The following KLF12 variants were observed in gnomAD, a reference collection of about 807,000 sequenced individuals.
KLF12 encodes the protein KLF transcription factor 12, also known as Krueppel-like factor 12.
KLF12 carries 9 observed loss-of-function variants against 37.8 expected under a neutral mutation model. The ratio of observed to expected loss-of-function variants is 0.24; its 90% CI spans 0.14 to 0.42. The LOEUF (loss-of-function observed/expected upper bound fraction) is 0.42, where lower values mean the gene tolerates loss of function less well. KLF12 is among the 10% of genes least tolerant of loss of function. The pLI is 1.00. For missense variants in KLF12, 411 were observed against 516.0 expected (o/e 0.80, Z 1.97); for synonymous variants, 208 against 202.1 (o/e 1.03, Z -0.25).
chr13:74,242,628 C>G, the KLF12 span, among the ~76,000 whole-genome samples: 2 of 152,146 alleles, frequency 1.3e-5, no homozygotes, highest in Non-Finnish European at 2.9e-5. Flanking sequence ...TGAGACGTAA[C>G]AAAGTCATGA....
chr13:73,874,384 C>T (rs992615857), intron 3 of KLF12, among the ~76,000 whole-genome samples: 9 of 152,162 alleles, frequency 5.9e-5, no homozygotes, highest in Admixed American at 1.3e-4. Context: ...TAAGCAATTA[C>T]GCACTACCAT....
At chr13:74,154,184 G>A in the KLF12 span, among the ~76,000 whole-genome samples, 8 of 149,532 alleles carry the variant, frequency 5.4e-5, no homozygotes, top group East Asian at 2.0e-4. Context: ...GCAGTGAGCC[G>A]AGATCACACC....
intron 4 of KLF12, among the ~76,000 whole-genome samples, chr13:73,817,688 G>A (rs971394121): frequency 2.0e-5 from 3 of 152,200 alleles, no homozygotes; most frequent in Admixed American, 1.3e-4. Flanking sequence ...AATCAAAGAT[G>A]GCCAACTGTT....
chr13:73,964,165 A>AT (rs1484628954), intron 2 of KLF12, among the ~76,000 whole-genome samples: 7 of 152,212 alleles, frequency 4.6e-5, no homozygotes, highest in Admixed American at 1.3e-4. Flanking sequence ...TGGAAAAGTA[A>AT]TATGTGTGAC....
At chr13:73,731,747 A>G (rs1877076269) in intron 6 of KLF12, among the ~76,000 whole-genome samples, 1 of 152,184 alleles carries the variant, frequency 6.6e-6, no homozygotes, top group African/African-American at 2.4e-5. Context: ...TGGATGAAAG[A>G]AACAAGTTCT....
chr13:73,894,804 GA>G (rs1412524174), intron 3 of KLF12, among the ~76,000 whole-genome samples: 3 of 151,976 alleles, frequency 2.0e-5, no homozygotes, highest in African/African-American at 7.2e-5. Context: ...TTGACTATGG[GA>G]AAAAATACCC....
At chr13:73,895,873 T>A (rs1309634157) in intron 3 of KLF12, among the ~76,000 whole-genome samples, 2 of 149,790 alleles carry the variant, frequency 1.3e-5, no homozygotes, top group Non-Finnish European at 3.0e-5. Context: ...CAGGCTGGAG[T>A]GCAGTGGAGT....
At chr13:74,258,323 T>C in the KLF12 span, 1 of 152,188 alleles carries the variant, frequency 6.6e-6, no homozygotes, top group Non-Finnish European at 1.5e-5. Flanking sequence ...AGGCCTCCTG[T>C]CACCAGCTGT....
At chr13:74,049,700 C>T (rs986275546) in intron 1 of KLF12, among the ~76,000 whole-genome samples, 3 of 151,930 alleles carry the variant, frequency 2.0e-5, no homozygotes, top group Non-Finnish European at 4.4e-5. Flanking sequence ...GGAATTCCAG[C>T]GTGGGATAAT....
intron 6 of KLF12, among the ~76,000 whole-genome samples, chr13:73,727,130 T>C (rs1876723655): frequency 6.6e-6 from 1 of 151,430 alleles, no homozygotes; most frequent in Non-Finnish European, 1.5e-5. Context: ...TGTTTTTTTA[T>C]TGCTGAGTTG....
chr13:73,946,977 T>G (rs1890453157), intron 2 of KLF12, among the ~76,000 whole-genome samples: 1 of 152,180 alleles, frequency 6.6e-6, no homozygotes, highest in South Asian at 2.1e-4. Flanking sequence ...TGAACTAAGA[T>G]CAGATACATA....
chr13:74,153,500 A>G, the KLF12 span, among the ~76,000 whole-genome samples: 4 of 152,066 alleles, frequency 2.6e-5, no homozygotes, highest in Admixed American at 2.6e-4. Flanking sequence ...CCCTTTCTAT[A>G]TCCTCCAGCT....
chr13:73,994,186 C>T (rs1892044454), intron 2 of KLF12, among the ~76,000 whole-genome samples: 1 of 152,090 alleles, frequency 6.6e-6, no homozygotes, highest in African/African-American at 2.4e-5. Flanking sequence ...AAAGACATAG[C>T]AAGTTGTGCA....
At chr13:74,184,569 A>T in the KLF12 span, among the ~76,000 whole-genome samples, 1 of 152,262 alleles carries the variant, frequency 6.6e-6, no homozygotes, top group East Asian at 1.9e-4. Context: ...TCATGTTTTG[A>T]TGAGAATTTT....
At chr13:74,200,762 T>G in the KLF12 span, among the ~76,000 whole-genome samples, 1 of 152,102 alleles carries the variant, frequency 6.6e-6, no homozygotes, top group Non-Finnish European at 1.5e-5. Context: ...TATACACCTC[T>G]GCTCCGGAAA....
chr13:73,785,737 T>C (rs1280850619), intron 5 of KLF12, among the ~76,000 whole-genome samples: 2 of 152,156 alleles, frequency 1.3e-5, no homozygotes, highest in Non-Finnish European at 2.9e-5. Context: ...GTATCTTCAC[T>C]ATCCCTTATT....
Position 73,983,790 on chromosome 13 carries a change from G to A in KLF12, c.33+11200C>T, listed in dbSNP as rs577937849. Among the ~76,000 whole-genome samples, 47 of 152,290 alleles carry A rather than the reference G, an allele frequency of 3.1e-4. 1 individual carries two copies. The highest frequency in any genetic ancestry group is 1.2e-4 in the Non-Finnish European group (8 of 68,032). On this transcript the variant is annotated intron_variant, in intron 2 of 7. Transcript: ENST00000377669. ...AGGCAGTCAAGATCCCAAATCCAGG[G>A]AGCAGAGTGGCCTCAACCACAACAG...
chr13:74,017,914 G>A (rs939472070), intron 1 of KLF12, among the ~76,000 whole-genome samples: 1 of 151,980 alleles, frequency 6.6e-6, no homozygotes, highest in Non-Finnish European at 1.5e-5. Context: ...TGTCACCAAG[G>A]AGCACTGTCA....
intron 3 of KLF12, among the ~76,000 whole-genome samples, chr13:73,933,350 T>A (rs896872858): frequency 1.3e-5 from 2 of 152,218 alleles, no homozygotes; most frequent in Admixed American, 1.3e-4. Flanking sequence ...AGAATTATTA[T>A]GTTCCAGGAA....
Sources: allele counts gnomAD v4.1 joint callset (sites outside exome capture counted in the v4.1 genomes callset), GRCh38; gene constraint gnomAD v4.1.1; transcripts MANE v1.5; gene names NCBI Gene and HGNC (gene_info 2026-07-23, HGNC 2026-07-21).